The following PDE11A variants were observed in gnomAD, a reference collection of about 807,000 sequenced individuals.
The protein encoded by PDE11A is phosphodiesterase 11A, also known as dual 3',5'-cyclic-AMP and -GMP phosphodiesterase 11A.
PDE11A carries 100 observed loss-of-function variants against 100.5 expected under a neutral mutation model. The observed-to-expected ratio is 1.00, with a 90% CI of 0.85 to 1.18. The LOEUF (loss-of-function observed/expected upper bound fraction) is 1.18. Among genes scored for constraint, PDE11A ranks in the 50% most tolerant of loss-of-function variants. The pLI, the probability that PDE11A is intolerant of heterozygous loss-of-function variation, is 0.00. For synonymous variants in PDE11A, 381 were observed against 420.8 expected (o/e 0.91, Z 1.16); for missense variants, 1,141 against 1,152.6 (o/e 0.99, Z 0.15).
intron 5 of PDE11A, among the ~76,000 whole-genome samples, chr2:177,843,834 A>T (rs1249295041): frequency 6.6e-6 from 1 of 152,230 alleles, no homozygotes; most frequent in African/African-American, 2.4e-5. Context: ...TTTCACATAG[A>T]TGTGTTGATA....
intron 2 of PDE11A, among the ~76,000 whole-genome samples, chr2:178,083,697 T>G (rs898929981): frequency 1.3e-5 from 2 of 152,182 alleles, no homozygotes; most frequent in Non-Finnish European, 2.9e-5. Context: ...CCCAAATACA[T>G]ACAAAATAAG....
chr2:177,929,685 G>C (rs1166364524), intron 2 of PDE11A, among the ~76,000 whole-genome samples: 1 of 152,144 alleles, frequency 6.6e-6, no homozygotes, highest in Non-Finnish European at 1.5e-5. Context: ...GAATGTGGGG[G>C]TGTGGGAAGA....
intron 2 of PDE11A, among the ~76,000 whole-genome samples, chr2:177,926,236 GA>G (rs35625068): frequency 6.6e-6 from 1 of 151,532 alleles, no homozygotes; most frequent in South Asian, 2.1e-4. Flanking sequence ...CATTGTCTAG[GA>G]AAAAAAAGAT....
rs181281394 is a variant in PDE11A at position 177,860,782 on chromosome 2, T to A, written c.1367+15077A>T. Among the ~76,000 whole-genome samples the A allele has an allele frequency of 7.2e-3, 1,100 of 151,754 alleles. 13 individuals carry two copies. Among genetic ancestry groups the A allele is most frequent in the African/African-American group, 0.025 (1,024 of 41,522 alleles). On this transcript the variant is annotated intron_variant, in intron 5 of 19. Coordinates refer to ENST00000286063, the MANE Select transcript of PDE11A (RefSeq NM_016953.4). ...ATCCCAATAATGTAAGATTGGATTA[T>A]CATCCAAAAATCAATATATATAATA...
At position 178,071,753 on chromosome 2, in the gene PDE11A, C is replaced by A. The variant is rs1435730845; in HGVS notation, c.685G>T (p.Val229Phe). Residue 229 changes from valine to phenylalanine, a missense_variant, in exon 1 of 20, where the codon GTC becomes TTC. Transcript: ENST00000286063. ...CGGTCAGCATCCACCATAAGGCAGA[C>A]AAAGATGAGAATCTTGTAGCTCAGG... ...TSLSYKILIFVCLMVDADRCS... is the reference protein window; with the variant it reads ...TSLSYKILIFFCLMVDADRCS... The A allele has an allele frequency of 5.6e-6, 9 of 1,613,994 alleles. No individual in the cohort carries two copies. The highest frequency in any genetic ancestry group is 1.3e-5 in the African/African-American group (1 of 74,928).
chr2:177,939,525 G>GGAAGGA (rs2085320119), intron 2 of PDE11A, among the ~76,000 whole-genome samples: 1 of 103,480 alleles, frequency 9.7e-6, no homozygotes, highest in African/African-American at 4.0e-5. Context: ...GGAAGGGAGG[G>GGAAGGA]AGGGAGGAAG....
rs779566347 is a variant in PDE11A, at chr2:177,980,156, TA to T, written c.1071+34145del. On this transcript the variant is annotated intron_variant, in intron 2 of 19. Coordinates refer to ENST00000286063, the MANE Select transcript of PDE11A (RefSeq NM_016953.4). ...GACCAATAAGTAGAAAGTGACATCC[TA>T]AAAAAAAAACGAAGAATACCAGCTA... 3.9e-4 allele frequency among the ~76,000 whole-genome samples: 56 copies of T among 143,448 alleles called. 3 individuals are homozygous for T. Among genetic ancestry groups the T allele is most frequent in the Middle Eastern group, 3.5e-3 (1 of 284 alleles). The allele number at this position is 143,448 out of a possible 152,430, so 94.1% of individuals were successfully genotyped here. A position where few individuals can be genotyped will look rare whatever the true frequency, so the allele number is the denominator to read the frequency against.
chr2:177,880,297 A>G (rs1351964688), intron 4 of PDE11A, among the ~76,000 whole-genome samples: 2 of 152,220 alleles, frequency 1.3e-5, no homozygotes, highest in Non-Finnish European at 2.9e-5. Flanking sequence ...GACACATGGT[A>G]TCAGTTGACC....
chr2:177,933,181 C>T (rs1456661432), intron 2 of PDE11A, among the ~76,000 whole-genome samples: 1 of 151,842 alleles, frequency 6.6e-6, no homozygotes, highest in African/African-American at 2.4e-5. Flanking sequence ...TCGTAGATGA[C>T]ACAAACAAAT....
chr2:177,923,342 A>C (rs10201150), intron 2 of PDE11A, among the ~76,000 whole-genome samples: 12,968 of 147,292 alleles, frequency 0.088, 523 homozygotes, highest in South Asian at 0.1. Flanking sequence ...GCCTGGATGA[A>C]AGAGCGAGGC....
At chr2:178,032,347 G>A (rs1267961655) in intron 1 of PDE11A, among the ~76,000 whole-genome samples, 1 of 152,132 alleles carries the variant, frequency 6.6e-6, no homozygotes, top group Non-Finnish European at 1.5e-5. Flanking sequence ...GGCTGGGCGT[G>A]GTGGCACATG....
intron 6 of PDE11A, among the ~76,000 whole-genome samples, chr2:177,822,892 A>G (rs1483011456): frequency 6.6e-6 from 1 of 152,126 alleles, no homozygotes; most frequent in African/African-American, 2.4e-5. Flanking sequence ...ATTGGTACAT[A>G]AAAATACAAT....
At chr2:177,718,071 T>C (rs2081469242) in intron 12 of PDE11A, among the ~76,000 whole-genome samples, 1 of 152,232 alleles carries the variant, frequency 6.6e-6, no homozygotes, top group African/African-American at 2.4e-5. Flanking sequence ...GCCTATTATA[T>C]ATTGAGCACT....
At chr2:177,632,546 A>G (rs1285635348) in intron 19 of PDE11A, among the ~76,000 whole-genome samples, 2 of 152,150 alleles carry the variant, frequency 1.3e-5, no homozygotes, top group African/African-American at 4.8e-5. Flanking sequence ...CCAACCCTTT[A>G]GACTTGAGAT....
At chr2:178,041,740 C>T (rs1436981322) in intron 1 of PDE11A, among the ~76,000 whole-genome samples, 1 of 152,010 alleles carries the variant, frequency 6.6e-6, no homozygotes, top group Non-Finnish European at 1.5e-5. Context: ...ATGTCATTGC[C>T]AAGGCATCGA....
chr2:177,638,842 T>C (rs534430907), intron 19 of PDE11A, among the ~76,000 whole-genome samples: 1 of 152,358 alleles, frequency 6.6e-6, no homozygotes, highest in African/African-American at 2.4e-5. Context: ...GAGCATGGAC[T>C]ATTTTCCCCA....
chr2:177,826,381 G>T (rs1273893962), intron 6 of PDE11A, among the ~76,000 whole-genome samples: 1 of 152,142 alleles, frequency 6.6e-6, no homozygotes, highest in African/African-American at 2.4e-5. Flanking sequence ...TCTCTAGAAA[G>T]ATACGTACAA....
chr2:177,789,109 G>C (rs898753374), intron 9 of PDE11A, among the ~76,000 whole-genome samples: 14 of 152,104 alleles, frequency 9.2e-5, no homozygotes, highest in Admixed American at 1.3e-4. Flanking sequence ...AGACCAATAT[G>C]CTTGATGAAC....
intron 2 of PDE11A, among the ~76,000 whole-genome samples, chr2:178,084,511 AGAAAT>A (rs2087324180): frequency 6.6e-6 from 1 of 152,228 alleles, no homozygotes; most frequent in Non-Finnish European, 1.5e-5. Flanking sequence ...TCGGAGAGTA[AGAAAT>A]GCTGATGGTT....
Sources: gnomAD v4.1 joint callset for allele counts (sites outside exome capture counted in the v4.1 genomes callset) on GRCh38, gnomAD v4.1.1 for gene constraint, MANE v1.5 for transcripts, NCBI Gene and HGNC (gene_info 2026-07-23, HGNC 2026-07-21) for gene names.